The following DENND1B variants were observed in gnomAD, a reference collection of about 807,000 sequenced individuals.
The protein encoded by DENND1B is DENN domain containing 1B.
A neutral mutation model predicts 90.1 loss-of-function variants in DENND1B; 59 were observed. The ratio of observed to expected loss-of-function variants is 0.65; its 90% CI spans 0.53 to 0.81. DENND1B has a LOEUF of 0.81. Ranked by LOEUF, DENND1B falls within the 40% of genes least tolerant of loss-of-function variation. The pLI, the probability that DENND1B is intolerant of heterozygous loss-of-function variation, is 0.00. For missense variants in DENND1B, 862 were observed against 912.6 expected (o/e 0.94, Z 0.71); for synonymous variants, 337 against 324.6 (o/e 1.04, Z -0.41).
intron 19 of DENND1B, 135 bp downstream of exon 19, chr1:197,540,824 T>TA (rs1670279476): frequency 3.2e-5 from 24 of 756,388 alleles, no homozygotes; most frequent in Non-Finnish European, 4.9e-5. Context: ...GGGCTTGTTA[T>TA]AAAAAATACA....
intron 15 of DENND1B, among the ~76,000 whole-genome samples, chr1:197,580,227 G>C (rs1324496225): frequency 6.8e-6 from 1 of 146,638 alleles, no homozygotes; most frequent in Non-Finnish European, 1.5e-5. Context: ...AAGTAGCTGG[G>C]ATTACATGCA....
chr1:197,762,199 G>A (rs187915175), intron 2 of DENND1B, among the ~76,000 whole-genome samples: 9 of 151,550 alleles, frequency 5.9e-5, no homozygotes, highest in African/African-American at 1.9e-4. Flanking sequence ...CATAAATCAG[G>A]ACAATAAAGA....
At position 197,761,185 on chromosome 1, in the gene DENND1B, A is replaced by C. The variant is rs1437300827; in HGVS notation, c.82+11683T>G. On this transcript the variant is annotated intron_variant, in intron 2 of 22. Transcript: ENST00000620048. Reference sequence around the variant, plus strand: ...AGTCTTGAAGTAATAAGAACAAAAAAATTTTAAAGACATTATTTTCTAAAA... The same window carrying C: ...AGTCTTGAAGTAATAAGAACAAAAACATTTTAAAGACATTATTTTCTAAAA... Among the ~76,000 whole-genome samples, 4 of 152,316 alleles carry C rather than the reference A, an allele frequency of 2.6e-5. No homozygotes were observed. The East Asian group carries it at 7.7e-4, about 29-fold the overall frequency.
intron 2 of DENND1B, among the ~76,000 whole-genome samples, chr1:197,729,801 T>G (rs909850914): frequency 6.6e-6 from 1 of 152,190 alleles, no homozygotes; most frequent in Non-Finnish European, 1.5e-5. Context: ...AGGTGAGTTA[T>G]AGTAAATGAC....
chr1:197,721,501 T>C (rs1274662868), intron 2 of DENND1B, among the ~76,000 whole-genome samples: 1 of 135,672 alleles, frequency 7.4e-6, no homozygotes, highest in Non-Finnish European at 1.5e-5. Flanking sequence ...GTTAAGAAAT[T>C]TAATATTTCC....
At chr1:197,536,155 A>ATAGAT (rs1297477723) in intron 20 of DENND1B, among the ~76,000 whole-genome samples, 2 of 88,842 alleles carry the variant, frequency 2.3e-5, no homozygotes, top group Non-Finnish European at 5.1e-5. Context: ...AGAGAGAGAG[A>ATAGAT]GAGATAGATG....
intron 15 of DENND1B, among the ~76,000 whole-genome samples, chr1:197,563,340 C>T (rs898044448): frequency 6.6e-6 from 1 of 151,988 alleles, no homozygotes; most frequent in African/African-American, 2.4e-5. Flanking sequence ...GGCGATAATG[C>T]AGCTGGTGAC....
chr1:197,575,178 G>A (rs905162017), intron 15 of DENND1B, among the ~76,000 whole-genome samples: 1 of 151,792 alleles, frequency 6.6e-6, no homozygotes, highest in Non-Finnish European at 1.5e-5. Context: ...AAAATTTTTT[G>A]CCATCTACCC....
At chr1:197,516,784 T>C (rs1668428810) in intron 20 of DENND1B, among the ~76,000 whole-genome samples, 1 of 151,782 alleles carries the variant, frequency 6.6e-6, no homozygotes, top group Admixed American at 6.6e-5. Flanking sequence ...CATATCATTA[T>C]TAAAAACATG....
intron 3 of DENND1B, among the ~76,000 whole-genome samples, chr1:197,687,766 G>A (rs1657405518): frequency 6.6e-6 from 1 of 152,014 alleles, no homozygotes; most frequent in Non-Finnish European, 1.5e-5. Flanking sequence ...AAGCCAAAAT[G>A]CCTATTCTTA....
intron 7 of DENND1B, among the ~76,000 whole-genome samples, chr1:197,647,820 C>T (rs370239752): frequency 2.6e-5 from 4 of 151,562 alleles, no homozygotes; most frequent in South Asian, 2.1e-4. Context: ...TGGTGGTGGG[C>T]GCCTGTAATT....
intron 6 of DENND1B, among the ~76,000 whole-genome samples, chr1:197,657,659 G>A (rs1653982946): frequency 6.8e-6 from 1 of 147,090 alleles, no homozygotes; most frequent in African/African-American, 2.7e-5. Flanking sequence ...TGTGGACACT[G>A]TGGAAAATGT....
Position 197,583,199 on chromosome 1 carries a change from T to C in DENND1B, c.1102A>G (p.Met368Val), listed in dbSNP as rs1473886793. The change falls in exon 15 of 23, where the codon ATG (methionine) becomes GTG (valine). Residue 368 changes from methionine to valine, a missense_variant. Met to Val is a conservative substitution (Grantham distance 21, BLOSUM62 1). Transcript: ENST00000620048. The part of the protein sequence containing the change: ...ESFVKHRSSV[M>V]KQFLETAINL... ...ATGGCAGTTTCCAGGAACTGTTTCA[T>C]CACGCTTGAGCGGTGCTTTACAAAA... 1.2e-6 allele frequency: 2 copies of C among 1,613,922 alleles called. No homozygotes were observed. The highest frequency in any genetic ancestry group is 1.3e-5 in the African/African-American group (1 of 75,038).
rs1315350263 is a variant in DENND1B, at chr1:197,775,192, C to G, written c.-37G>C. 1.6e-6 allele frequency: 2 copies of G among 1,262,008 alleles called. No individual in the cohort carries two copies. The highest frequency in any genetic ancestry group is 2.0e-6 in the Non-Finnish European group (2 of 999,166). 78.2% of individuals were successfully genotyped at this position (1,262,008 alleles called of 1,614,324 possible). A position where few individuals can be genotyped will look rare whatever the true frequency, so the allele number is the denominator to read the frequency against. On this transcript the variant is annotated 5_prime_UTR_variant, in exon 1 of 23. Coordinates refer to ENST00000620048, the MANE Select transcript of DENND1B (RefSeq NM_001195215.2). ...GGTGTGGGGCTGTCCGTCCGGCCCC[C>G]GCGCGCTGGCCTGGAAGCCCGCAGC... is the stretch of plus-strand genomic sequence containing the variant.
chr1:197,648,995 A>G (rs906070576), intron 7 of DENND1B, among the ~76,000 whole-genome samples: 3 of 152,248 alleles, frequency 2.0e-5, no homozygotes, highest in African/African-American at 7.2e-5. Flanking sequence ...CAACAAAAGA[A>G]GATGCAAACA....
chr1:197,521,202 G>A (rs1056562476), intron 20 of DENND1B, among the ~76,000 whole-genome samples: 10 of 151,884 alleles, frequency 6.6e-5, no homozygotes, highest in African/African-American at 1.2e-4. Flanking sequence ...GTTTAGTTTC[G>A]TTACAGTAAG....
At chr1:197,545,673 T>G in intron 18 of DENND1B, 1 of 378,126 alleles carries the variant, frequency 2.6e-6, no homozygotes, top group East Asian at 4.7e-5. Context: ...TGTTTCAATT[T>G]GCTGCACAAC....
At chr1:197,587,560 T>C (rs369540176) in intron 14 of DENND1B, among the ~76,000 whole-genome samples, 2 of 152,158 alleles carry the variant, frequency 1.3e-5, no homozygotes, top group African/African-American at 4.8e-5. Context: ...TGCCATACAT[T>C]CAAGGTTATT....
At chr1:197,670,777 A>T (rs1655425002) in intron 5 of DENND1B, among the ~76,000 whole-genome samples, 1 of 151,822 alleles carries the variant, frequency 6.6e-6, no homozygotes, top group African/African-American at 2.4e-5. Context: ...GATAAAAGGA[A>T]CTCTCCCCAC....
Sources: gnomAD v4.1 joint callset for allele counts (sites outside exome capture counted in the v4.1 genomes callset) on GRCh38, gnomAD v4.1.1 for gene constraint, MANE v1.5 for transcripts, NCBI Gene and HGNC (gene_info 2026-07-23, HGNC 2026-07-21) for gene names.